The following MARCHF6 variants were observed in gnomAD, a reference collection of about 807,000 sequenced individuals.
MARCHF6 encodes membrane associated ring-CH-type finger 6, also known as E3 ubiquitin-protein ligase MARCHF6.
A neutral mutation model predicts 133.7 loss-of-function variants in MARCHF6; 31 were observed. The observed-to-expected ratio is 0.23, with a 90% CI of 0.17 to 0.31. The LOEUF (loss-of-function observed/expected upper bound fraction) is 0.31, where lower values mean the gene tolerates loss of function less well. MARCHF6 is among the 10% of genes least tolerant of loss of function. The pLI, the probability that MARCHF6 is intolerant of heterozygous loss-of-function variation, is 1.00. For synonymous variants in MARCHF6, 395 were observed against 402.5 expected (o/e 0.98, Z 0.22); for missense variants, 723 against 1,121.6 (o/e 0.64, Z 5.08).
rs746940379 is a variant in MARCHF6 at position 10,411,411 on chromosome 5, T to C, written c.1770T>C (p.His590=). 7 of 1,614,234 alleles carry C rather than the reference T, an allele frequency of 4.3e-6. No homozygotes were observed. Among genetic ancestry groups the C allele is most frequent in the South Asian group, 2.2e-5 (2 of 91,090 alleles). The part of the protein sequence containing the change: ...SANQQVNNNQ[H]ARNNNAIPVV... ...ATCAACAAGTTAACAATAATCAGCA[T>C]GCTCGAAATAACAACGCTATTCCTG... Residue 590 remains histidine (H), a synonymous_variant, in exon 19 of 26, where the codon CAT becomes CAC. Transcript: ENST00000274140.
intron 3 of MARCHF6, among the ~76,000 whole-genome samples, chr5:10,380,156 TGTG>T (rs749840813): frequency 2.4e-4 from 10 of 41,850 alleles, no homozygotes; most frequent in African/African-American, 1.5e-3. Context: ...GTGTTTTAGT[TGTG>T]TGTGTGTGTG....
rs531989270 is a variant in MARCHF6 at position 10,405,913 on chromosome 5, A to T, written c.1452+236A>T. On this transcript the variant is annotated intron_variant, in intron 16 of 25. Coordinates refer to ENST00000274140, the MANE Select transcript of MARCHF6 (RefSeq NM_005885.4). ...ATACTTCCTTGTTCCATAGTAGTAT[A>T]ATTCAGGGGTCCCTAGCCCCCATGT... Among the ~76,000 whole-genome samples the T allele has an allele frequency of 1.5e-4, 23 of 152,298 alleles. No homozygotes were observed. In the South Asian group the frequency reaches 4.6e-3, roughly 30 times the overall value.
At position 10,405,670 on chromosome 5, in the gene MARCHF6, T is replaced by C; in HGVS notation, c.1445T>C (p.Leu482Ser). ...PIYRHLRRFI[L>S]SVIVFGSIVL... The stretch of plus-strand genomic sequence containing the variant: ...TATAGGCATCTCCGAAGATTTATTT[T>C]GTCAGTGGTAAGAAGATGTTTCCAT... The change falls in exon 16 of 26, where the codon TTG becomes TCG. Residue 482 changes from leucine to serine, a missense_variant. By Grantham distance (145) the Leu-to-Ser change is moderately radical. Coordinates refer to ENST00000274140, the MANE Select transcript of MARCHF6 (RefSeq NM_005885.4). 1 of 1,593,522 alleles carries C rather than the reference T, an allele frequency of 6.3e-7. No individual in the cohort carries two copies. Among genetic ancestry groups the C allele is most frequent in the East Asian group, 2.2e-5 (1 of 44,618 alleles).
chr5:10,421,997 C>G (rs1392633462), intron 22 of MARCHF6: 1 of 152,240 alleles, frequency 6.6e-6, no homozygotes, highest in Non-Finnish European at 1.5e-5. Flanking sequence ...TTTGACAGCA[C>G]TGCTTGCAGA....
chr5:10,414,492 T>C lies in MARCHF6; in HGVS notation c.1956T>C (p.Leu652=). 1 of 1,612,584 alleles carries C rather than the reference T, an allele frequency of 6.2e-7. No homozygotes were observed. Residue 652 remains leucine (L), a synonymous_variant, in exon 20 of 26, where the codon CTT becomes CTC. Transcript: ENST00000274140. ...TACTGATTGCCAGCCTCATCTGCCT[T>C]ACTTTACCAGGTATGAGCTTGTGCT... ...ITLLIASLIC[L]TLPVFAGRWL... is the part of the protein sequence containing the mutation.
chr5:10,372,674 TAAC>T (rs1057473654), intron 1 of MARCHF6, among the ~76,000 whole-genome samples: 6 of 152,218 alleles, frequency 3.9e-5, no homozygotes, highest in Non-Finnish European at 5.9e-5. Context: ...TGCTTTAAAA[TAAC>T]AACACTCATT....
At chr5:10,396,801 C>T (rs1738217458) in intron 9 of MARCHF6, among the ~76,000 whole-genome samples, 1 of 151,970 alleles carries the variant, frequency 6.6e-6, no homozygotes, top group Non-Finnish European at 1.5e-5. Flanking sequence ...AGTGGAGGGA[C>T]CAGAGGAGAT....
At chr5:10,399,756 C>T (rs1738411377) in intron 10 of MARCHF6, among the ~76,000 whole-genome samples, 1 of 152,174 alleles carries the variant, frequency 6.6e-6, no homozygotes, top group Non-Finnish European at 1.5e-5. Flanking sequence ...ATAAGGTCCA[C>T]ATATTACTTT....
chr5:10,408,966 CTCTG>C (rs542262320), intron 17 of MARCHF6, among the ~76,000 whole-genome samples: 233 of 152,254 alleles, frequency 1.5e-3, no homozygotes, highest in African/African-American at 5.2e-3. Context: ...GTCTTTTTCT[CTCTG>C]TCTCTCTTTT....
Position 10,434,956 on chromosome 5 carries a change from A to G in MARCHF6, c.*1272A>G, listed in dbSNP as rs1740534016. ...ACAAACTTTGTTTTCCCTCATAACC[A>G]AAGCTTCAGGTTAGAAGTTTAGAAA... is the stretch of plus-strand genomic sequence containing the variant. On this transcript the variant is annotated 3_prime_UTR_variant, in exon 26 of 26. Coordinates refer to ENST00000274140, the MANE Select transcript of MARCHF6 (RefSeq NM_005885.4). The G allele has an allele frequency of 1.3e-5, 2 of 152,668 alleles. No homozygotes were observed. The highest frequency in any genetic ancestry group is 4.8e-5 in the African/African-American group (2 of 41,464). 9.5% of individuals were successfully genotyped at this position (152,668 alleles called of 1,614,324 possible).
At chr5:10,359,075 G>T (rs546570240) in intron 1 of MARCHF6, among the ~76,000 whole-genome samples, 2 of 152,162 alleles carry the variant, frequency 1.3e-5, no homozygotes, top group Non-Finnish European at 2.9e-5. Context: ...CCAGTAAATT[G>T]TATATGGTAA....
At chr5:10,391,850 T>C in intron 7 of MARCHF6, 119 bp downstream of exon 7, 2 of 1,092,908 alleles carry the variant, frequency 1.8e-6, no homozygotes, top group Admixed American at 7.6e-5. Context: ...TTCTAACTTA[T>C]TTTTACTTTA....
rs537425311 is a variant in MARCHF6 at position 10,412,169 on chromosome 5, C to T, written c.1896+632C>T. 8.5e-5 allele frequency among the ~76,000 whole-genome samples: 13 copies of T among 152,214 alleles called. No individual in the cohort carries two copies. The South Asian group carries it at 2.7e-3, about 32-fold the overall frequency. ...ACATTTCTTTTTTTGTAAAAATAGT[C>T]ATTATTATACCTTTGTAGATTACTG... On this transcript the variant is annotated intron_variant, in intron 19 of 25. Coordinates refer to ENST00000274140, the MANE Select transcript of MARCHF6 (RefSeq NM_005885.4).
chr5:10,418,215 C>T (rs1739626914), intron 22 of MARCHF6, among the ~76,000 whole-genome samples: 1 of 151,912 alleles, frequency 6.6e-6, no homozygotes, highest in Non-Finnish European at 1.5e-5. Context: ...CCCATCTCTA[C>T]CCAAAATACA....
chr5:10,405,078 C>A (rs1163448527), intron 15 of MARCHF6, among the ~76,000 whole-genome samples: 1 of 152,066 alleles, frequency 6.6e-6, no homozygotes, highest in African/African-American at 2.4e-5. Context: ...AGATTAGATG[C>A]GTTACACAGA....
At chr5:10,385,946 C>T (rs990305619) in intron 4 of MARCHF6, among the ~76,000 whole-genome samples, 1 of 151,984 alleles carries the variant, frequency 6.6e-6, no homozygotes, top group African/African-American at 2.4e-5. Context: ...TTACATCACA[C>T]GATACATATT....
chr5:10,365,736 A>C (rs1736103927), intron 1 of MARCHF6, among the ~76,000 whole-genome samples: 1 of 152,202 alleles, frequency 6.6e-6, no homozygotes. Flanking sequence ...TGTAATTGTA[A>C]AAGTAGCAAT....
intron 1 of MARCHF6, among the ~76,000 whole-genome samples, chr5:10,371,882 C>T (rs1736491453): frequency 6.6e-6 from 1 of 152,012 alleles, no homozygotes; most frequent in Non-Finnish European, 1.5e-5. Context: ...TCTATAATCC[C>T]AGCTATTCAG....
chr5:10,426,557 A>G, intron 24 of MARCHF6, 35 bp downstream of exon 24: 1 of 1,608,370 alleles, frequency 6.2e-7, no homozygotes, highest in Non-Finnish European at 8.5e-7. Flanking sequence ...TTGAAGGAGC[A>G]CTTTTATTAA....
Sources: gnomAD v4.1 joint callset for allele counts (sites outside exome capture counted in the v4.1 genomes callset) on GRCh38, gnomAD v4.1.1 for gene constraint, MANE v1.5 for transcripts, NCBI Gene and HGNC (gene_info 2026-07-23, HGNC 2026-07-21) for gene names.